The following GNB4 variants were observed in gnomAD, a reference collection of about 807,000 sequenced individuals.
GNB4 encodes the protein G protein subunit beta 4, also known as guanine nucleotide-binding protein subunit beta-4.
GNB4 carries 28 observed loss-of-function variants against 45.2 expected under a neutral mutation model. The observed-to-expected ratio is 0.62, with a 90% confidence interval of 0.46 to 0.85. The LOEUF (loss-of-function observed/expected upper bound fraction) is 0.85, where lower values mean the gene tolerates loss of function less well. Ranked by LOEUF, GNB4 falls within the 40% of genes least tolerant of loss-of-function variation. The probability of loss-of-function intolerance (pLI) is 0.00; values close to 1 mark genes in which losing one functional copy is unlikely to be tolerated. For synonymous variants in GNB4, 132 were observed against 143.7 expected (o/e 0.92, Z 0.58); for missense variants, 321 against 425.4 (o/e 0.75, Z 2.16).
chr3:179,412,144 T>C (rs933858012), intron 8 of GNB4, among the ~76,000 whole-genome samples: 1 of 151,846 alleles, frequency 6.6e-6, no homozygotes, highest in Non-Finnish European at 1.5e-5. Flanking sequence ...TCTGTTTAGG[T>C]AGTTTTTTTA....
chr3:179,456,258 AT>A (rs1715976735), upstream of GNB4, among the ~76,000 whole-genome samples: 1 of 151,978 alleles, frequency 6.6e-6, no homozygotes, highest in South Asian at 2.1e-4. Context: ...CATACAGCTA[AT>A]TTTTTTGTAT....
At chr3:179,405,582 AT>A in intron 8 of GNB4, 176 bp from the exon 9 acceptor site, 1 of 569,734 alleles carries the variant, frequency 1.8e-6, no homozygotes, top group Non-Finnish European at 3.1e-6. Flanking sequence ...CAAAGTGGTG[AT>A]TAAGACTGAA....
chr3:179,449,883 CAG>C (rs748481916), intron 1 of GNB4, among the ~76,000 whole-genome samples: 2 of 152,180 alleles, frequency 1.3e-5, no homozygotes, highest in African/African-American at 2.4e-5. Context: ...CAAATTGCCC[CAG>C]AGTCTATTTT....
chr3:179,469,928 C>T, the GNB4 span, among the ~76,000 whole-genome samples: 2 of 152,198 alleles, frequency 1.3e-5, no homozygotes, highest in African/African-American at 4.8e-5. Flanking sequence ...CTCAGTCTTA[C>T]GCAGCCATGT....
At position 179,398,102 on chromosome 3, in the gene GNB4, A is replaced by C. The variant is rs1714175661; in HGVS notation, c.*3111T>G. 6.6e-6 allele frequency: 1 copy of C among 152,176 alleles called. No individual in the cohort carries two copies. Among genetic ancestry groups the C allele is most frequent in the South Asian group, 2.1e-4 (1 of 4,830 alleles). 9.4% of individuals were successfully genotyped at this position (152,176 alleles called of 1,614,324 possible). On this transcript the variant is annotated 3_prime_UTR_variant, in exon 10 of 10. Coordinates refer to ENST00000232564, the MANE Select transcript of GNB4 (RefSeq NM_021629.4). ...CAGGGTGATAACATACTTAGAAAAG[A>C]ATATGTATCTCTAAAATATTCTTGC...
At chr3:179,455,322 G>A (rs961220597), upstream of GNB4, among the ~76,000 whole-genome samples, 11 of 152,248 alleles carry the variant, frequency 7.2e-5, 1 homozygote, top group African/African-American at 2.2e-4. Context: ...TCAGGTCCCC[G>A]GAAAGGGACA....
intron 9 of GNB4, among the ~76,000 whole-genome samples, chr3:179,404,778 G>GT (rs1714414523): frequency 1.3e-5 from 2 of 152,192 alleles, no homozygotes; most frequent in Non-Finnish European, 2.9e-5. Flanking sequence ...AAGCTGCAGA[G>GT]GAGGACTCAG....
chr3:179,413,798 A>G lies in GNB4; in HGVS notation c.431-17T>C, dbSNP rs1226961655. On this transcript the variant is annotated splice_polypyrimidine_tract_variant and intron_variant, in intron 6 of 9. Coordinates refer to ENST00000232564, the MANE Select transcript of GNB4 (RefSeq NM_021629.4). Reference sequence around the variant, plus strand: ...ACAAGTACCCTACAGCATAAAGAGTAGCAAATTTTAGGTTATCACTGATTG... The same window carrying G: ...ACAAGTACCCTACAGCATAAAGAGTGGCAAATTTTAGGTTATCACTGATTG... 1.2e-6 allele frequency: 2 copies of G among 1,602,804 alleles called. No individual in the cohort carries two copies. Among genetic ancestry groups the G allele is most frequent in the Non-Finnish European group, 1.7e-6 (2 of 1,170,416 alleles).
At chr3:179,412,289 A>G (rs1307082829) in intron 8 of GNB4, among the ~76,000 whole-genome samples, 2 of 149,064 alleles carry the variant, frequency 1.3e-5, no homozygotes, top group Non-Finnish European at 1.5e-5. Context: ...CAACATAGTG[A>G]GACTCTGCCT....
chr3:179,470,902 G>T, the GNB4 span, among the ~76,000 whole-genome samples: 1 of 152,124 alleles, frequency 6.6e-6, no homozygotes, highest in Admixed American at 6.5e-5. Flanking sequence ...ACAGTAGGCC[G>T]GGCGCCGTGG....
the GNB4 span, among the ~76,000 whole-genome samples, chr3:179,512,828 C>T: frequency 6.6e-6 from 1 of 152,104 alleles, no homozygotes; most frequent in South Asian, 2.1e-4. Context: ...TGTGTGAATT[C>T]AGCTTTGCGT....
the GNB4 span, chr3:179,465,293 G>C: frequency 6.7e-7 from 1 of 1,482,242 alleles, no homozygotes; most frequent in Non-Finnish European, 9.4e-7. Flanking sequence ...CCCCATGACA[G>C]TGGCAATGCT....
intron 1 of GNB4, among the ~76,000 whole-genome samples, chr3:179,435,307 A>T (rs1715414700): frequency 1.3e-5 from 2 of 152,118 alleles, no homozygotes; most frequent in African/African-American, 4.8e-5. Flanking sequence ...GTACTTAATT[A>T]TTCCTTCTTT....
chr3:179,476,916 T>C, the GNB4 span, among the ~76,000 whole-genome samples: 1 of 152,134 alleles, frequency 6.6e-6, no homozygotes, highest in African/African-American at 2.4e-5. Context: ...TTAAGTCTTT[T>C]CTCTTCTCTT....
the GNB4 span, among the ~76,000 whole-genome samples, chr3:179,523,031 C>T: frequency 2.0e-5 from 3 of 151,866 alleles, no homozygotes; most frequent in Admixed American, 2.0e-4. Context: ...TCTATGGGGT[C>T]AGCTAGGTTT....
At chr3:179,413,637 T>G (rs1714713803) in intron 7 of GNB4, 24 bp from the exon 8 acceptor site, 3 of 1,613,280 alleles carry the variant, frequency 1.9e-6, no homozygotes, top group African/African-American at 2.7e-5. Context: ...CAAAATTTCA[T>G]GACAATTACT....
chr3:179,420,242 C>T (rs1284682725), intron 3 of GNB4, among the ~76,000 whole-genome samples: 1 of 149,776 alleles, frequency 6.7e-6, no homozygotes, highest in South Asian at 2.1e-4. Context: ...GATTATCCTG[C>T]CTCAGCCTAC....
chr3:179,403,268 T>A (rs1714358714), intron 9 of GNB4, among the ~76,000 whole-genome samples: 4 of 150,716 alleles, frequency 2.7e-5, no homozygotes, highest in Admixed American at 2.6e-4. Context: ...TAAGGAAATA[T>A]TCTAAAAATA....
the GNB4 span, among the ~76,000 whole-genome samples, chr3:179,508,950 A>G: frequency 6.9e-6 from 1 of 145,736 alleles, no homozygotes; most frequent in Non-Finnish European, 1.5e-5. Flanking sequence ...ATATATATAT[A>G]TATATAGTCC....
Sources: allele counts gnomAD v4.1 joint callset (sites outside exome capture counted in the v4.1 genomes callset), GRCh38; gene constraint gnomAD v4.1.1; transcripts MANE v1.5; gene names NCBI Gene and HGNC (gene_info 2026-07-23, HGNC 2026-07-21).